The following CDH13 variants were observed in gnomAD, a reference collection of about 807,000 sequenced individuals.
CDH13 encodes cadherin 13.
In CDH13, 24 loss-of-function variants were observed where a neutral mutation model predicts 63.8. The ratio of observed to expected loss-of-function variants is 0.38; its 90% CI spans 0.27 to 0.53. The LOEUF (loss-of-function observed/expected upper bound fraction) is 0.53. Among genes scored for constraint, CDH13 ranks in the 20% least tolerant of loss-of-function variants. CDH13 has a pLI of 0.85. For synonymous variants in CDH13, 503 were observed against 355.3 expected (o/e 1.42, Z -4.67); for missense variants, 1,049 against 903.1 (o/e 1.16, Z -2.07).
At chr16:82,673,179 G>A (rs1251510686) in intron 1 of CDH13, among the ~76,000 whole-genome samples, 1 of 151,770 alleles carries the variant, frequency 6.6e-6, no homozygotes, top group Non-Finnish European at 1.5e-5. Flanking sequence ...CCCCATCAGT[G>A]TTCGACGAAG....
chr16:82,862,450 G>C (rs551332681), intron 2 of CDH13, among the ~76,000 whole-genome samples: 27 of 152,204 alleles, frequency 1.8e-4, no homozygotes, highest in Non-Finnish European at 3.2e-4. Flanking sequence ...GAGCTCATTA[G>C]GAGAAACCAT....
chr16:83,274,235 G>A (rs1291004008), intron 5 of CDH13, among the ~76,000 whole-genome samples: 1 of 152,208 alleles, frequency 6.6e-6, no homozygotes. Flanking sequence ...GGTGGCCTTA[G>A]GGAAAGGCTG....
At chr16:83,602,661 T>TCACGTACCACAGCACCTGCTGGCCCC in intron 8 of CDH13, 67 bp downstream of exon 8, 1 of 1,515,948 alleles carries the variant, frequency 6.6e-7, no homozygotes, top group Non-Finnish European at 9.2e-7. Flanking sequence ...TGATGTTAAT[T>TCACGTACCACAGCACCTGCTGGCCCC]CACGTACCAC....
intron 6 of CDH13, among the ~76,000 whole-genome samples, chr16:83,443,705 GAA>G (rs1167862979): frequency 3.7e-5 from 4 of 107,080 alleles, no homozygotes; most frequent in African/African-American, 1.7e-4. Context: ...AAGTCCCTAC[GAA>G]AAAAAAAAAA....
At chr16:83,561,766 G>A (rs1224280535) in intron 7 of CDH13, among the ~76,000 whole-genome samples, 2 of 152,166 alleles carry the variant, frequency 1.3e-5, no homozygotes, top group Admixed American at 1.3e-4. Flanking sequence ...AATAAATTGT[G>A]CCTGCTGATT....
At chr16:82,904,367 C>A (rs892517027) in intron 2 of CDH13, among the ~76,000 whole-genome samples, 1 of 152,150 alleles carries the variant, frequency 6.6e-6, no homozygotes, top group African/African-American at 2.4e-5. Context: ...CATTTTCTCT[C>A]TAAAGAGAGA....
chr16:83,756,085 A>G (rs1414824377), intron 11 of CDH13, among the ~76,000 whole-genome samples: 4 of 152,200 alleles, frequency 2.6e-5, no homozygotes, highest in African/African-American at 9.7e-5. Context: ...TCTATATTGT[A>G]TAACCCTTAG....
At chr16:82,657,494 T>C (rs1911434118) in intron 1 of CDH13, among the ~76,000 whole-genome samples, 1 of 152,176 alleles carries the variant, frequency 6.6e-6, no homozygotes. Flanking sequence ...ATCATGCAAC[T>C]CAGAACAGCA....
At chr16:83,127,599 C>T (rs745345214) in intron 4 of CDH13, among the ~76,000 whole-genome samples, 7 of 152,030 alleles carry the variant, frequency 4.6e-5, no homozygotes, top group East Asian at 1.9e-4. Flanking sequence ...TGTCATGGCA[C>T]GCCTGTAATC....
intron 6 of CDH13, among the ~76,000 whole-genome samples, chr16:83,394,031 G>A (rs762791112): frequency 1.3e-5 from 2 of 152,152 alleles, no homozygotes; most frequent in Non-Finnish European, 2.9e-5. Flanking sequence ...TCGTAAGTGG[G>A]AGCTAAATGA....
rs151224212 is a variant in CDH13 at position 83,204,324 on chromosome 16, C to T, written c.484-13021C>T. On this transcript the variant is annotated intron_variant, in intron 4 of 13. Transcript: ENST00000567109. Reference sequence around the variant, plus strand: ...GGTTTGTGGGACTCAGTTTCCTCCTCTGTAAAACAGATTATTACCAATACC... The same window carrying T: ...GGTTTGTGGGACTCAGTTTCCTCCTTTGTAAAACAGATTATTACCAATACC... Among the ~76,000 whole-genome samples the T allele has an allele frequency of 2.8e-3, 426 of 152,338 alleles. 1 individual carries two copies. The highest frequency in any genetic ancestry group is 9.6e-3 in the African/African-American group (399 of 41,578).
intron 10 of CDH13, among the ~76,000 whole-genome samples, chr16:83,738,262 G>A (rs1188068284): frequency 2.0e-5 from 3 of 152,192 alleles, no homozygotes; most frequent in Admixed American, 2.0e-4. Flanking sequence ...CAAGCGCGGT[G>A]CCTGGCATGA....
At chr16:83,598,839 T>C (rs1162925182) in intron 7 of CDH13, among the ~76,000 whole-genome samples, 1 of 152,226 alleles carries the variant, frequency 6.6e-6, no homozygotes, top group African/African-American at 2.4e-5. Flanking sequence ...TAGCTCCAGA[T>C]GGATGCCCTA....
intron 2 of CDH13, among the ~76,000 whole-genome samples, chr16:82,941,265 A>G (rs1354471307): frequency 6.6e-6 from 1 of 152,212 alleles, no homozygotes; most frequent in African/African-American, 2.4e-5. Flanking sequence ...GTTGGGAGAG[A>G]GCAATGAAAA....
chr16:83,277,902 G>A (rs1312615070), intron 5 of CDH13, among the ~76,000 whole-genome samples: 2 of 151,738 alleles, frequency 1.3e-5, no homozygotes, highest in African/African-American at 4.8e-5. Flanking sequence ...TTTGCTATTG[G>A]GCAACAAACT....
At chr16:82,806,265 A>G (rs887386488) in intron 1 of CDH13, among the ~76,000 whole-genome samples, 1 of 152,144 alleles carries the variant, frequency 6.6e-6, no homozygotes, top group African/African-American at 2.4e-5. Flanking sequence ...GTCCCTTTTT[A>G]CATGTCTGCT....
intron 11 of CDH13, among the ~76,000 whole-genome samples, chr16:83,753,362 G>A (rs555755378): frequency 6.6e-6 from 1 of 152,206 alleles, no homozygotes; most frequent in South Asian, 2.1e-4. Flanking sequence ...TGGGCAACAT[G>A]GCAAAACTCC....
intron 1 of CDH13, among the ~76,000 whole-genome samples, chr16:82,828,964 C>G (rs2038393645): frequency 6.6e-6 from 1 of 152,004 alleles, no homozygotes. Flanking sequence ...TTTCATAGAC[C>G]AGAGACTTCC....
intron 1 of CDH13, among the ~76,000 whole-genome samples, chr16:82,646,789 A>C (rs1025543944): frequency 6.6e-6 from 1 of 152,262 alleles, no homozygotes; most frequent in African/African-American, 2.4e-5. Context: ...AAGATGATAG[A>C]GGGAGAATTG....
Sources: gnomAD v4.1 joint callset for allele counts (sites outside exome capture counted in the v4.1 genomes callset) on GRCh38, gnomAD v4.1.1 for gene constraint, MANE v1.5 for transcripts, NCBI Gene and HGNC (gene_info 2026-07-23, HGNC 2026-07-21) for gene names.